Variants in CATSPERT observed in about 807,000 individuals in gnomAD.
CATSPERT encodes cation channel sperm-associated targeting subunit tau.
chr2:201,523,346 C>T, the CATSPERT span, among the ~76,000 whole-genome samples: 2 of 152,128 alleles, frequency 1.3e-5, no homozygotes, highest in African/African-American at 4.8e-5. Flanking sequence ...GTGCTAGGCC[C>T]CCAGGGTTAG....
chr2:201,612,202 C>T, the CATSPERT span, among the ~76,000 whole-genome samples: 1 of 152,130 alleles, frequency 6.6e-6, no homozygotes, highest in Non-Finnish European at 1.5e-5. Context: ...GAGACTCTAA[C>T]AAGTTAAATA....
chr2:201,542,117 C>T, the CATSPERT span, among the ~76,000 whole-genome samples: 4 of 152,126 alleles, frequency 2.6e-5, 1 homozygote, highest in South Asian at 8.3e-4. Flanking sequence ...AATGCTATTG[C>T]ACACTTAATA....
chr2:201,534,550 C>CA, the CATSPERT span: 35 of 982,110 alleles, frequency 3.6e-5, no homozygotes, highest in Admixed American at 6.2e-5. Flanking sequence ...AGTCTTCAAA[C>CA]AAAAAAATGG....
chr2:201,610,539 G>C, the CATSPERT span, among the ~76,000 whole-genome samples: 2 of 151,222 alleles, frequency 1.3e-5, no homozygotes, highest in Non-Finnish European at 2.9e-5. Flanking sequence ...AACTCTCGAA[G>C]AAGAACTAAC....
chr2:201,499,770 T>C, the CATSPERT span, among the ~76,000 whole-genome samples: 1 of 151,044 alleles, frequency 6.6e-6, no homozygotes, highest in Non-Finnish European at 1.5e-5. Context: ...GAGTGGGAGG[T>C]TGCAGTGAGC....
chr2:201,561,101 A>G, the CATSPERT span, among the ~76,000 whole-genome samples: 1 of 151,906 alleles, frequency 6.6e-6, no homozygotes, highest in Non-Finnish European at 1.5e-5. Context: ...ATTCAATTAC[A>G]CTCTTCCCAG....
the CATSPERT span, among the ~76,000 whole-genome samples, chr2:201,609,274 A>T: frequency 1.2e-4 from 18 of 152,200 alleles, no homozygotes; most frequent in Non-Finnish European, 2.5e-4. Flanking sequence ...TCAGCATTAG[A>T]CAGATCATCT....
the CATSPERT span, chr2:201,493,885 T>C: frequency 2.0e-6 from 3 of 1,536,968 alleles, no homozygotes; most frequent in Non-Finnish European, 2.6e-6. Flanking sequence ...TTTAGAGACA[T>C]GTTCTTCTAC....
At chr2:201,491,084 C>T in the CATSPERT span, 1 of 1,151,898 alleles carries the variant, frequency 8.7e-7, no homozygotes, top group Admixed American at 2.8e-5. Context: ...GTTATACACA[C>T]AGTTGGATGC....
the CATSPERT span, among the ~76,000 whole-genome samples, chr2:201,563,313 G>A: frequency 7.5e-6 from 1 of 133,898 alleles, no homozygotes; most frequent in East Asian, 2.3e-4. Context: ...TGGCCGGGCG[G>A]GGGGCTGACC....
At chr2:201,566,765 C>T in the CATSPERT span, among the ~76,000 whole-genome samples, 2 of 152,114 alleles carry the variant, frequency 1.3e-5, no homozygotes, top group South Asian at 2.1e-4. Flanking sequence ...TTCTAGATCC[C>T]TGAGGAATCA....
the CATSPERT span, among the ~76,000 whole-genome samples, chr2:201,587,554 T>C: frequency 6.6e-6 from 1 of 152,202 alleles, no homozygotes; most frequent in Admixed American, 6.5e-5. Flanking sequence ...CTGATATTCT[T>C]ATTGTTGTGC....
chr2:201,570,265 C>G, the CATSPERT span, among the ~76,000 whole-genome samples: 1 of 152,146 alleles, frequency 6.6e-6, no homozygotes, highest in Non-Finnish European at 1.5e-5. Flanking sequence ...ACCATCATCC[C>G]CTGCCCTTAA....
the CATSPERT span, among the ~76,000 whole-genome samples, chr2:201,577,910 T>C: frequency 1.3e-5 from 2 of 152,200 alleles, no homozygotes; most frequent in Non-Finnish European, 2.9e-5. Flanking sequence ...GTGATGGAAA[T>C]ATTAATTGGT....
chr2:201,515,201 AGTTTTTTTTTTTTTTTTTTTTT>A, the CATSPERT span, among the ~76,000 whole-genome samples: 7 of 70,214 alleles, frequency 1.0e-4, no homozygotes, highest in Non-Finnish European at 8.6e-5. Context: ...ATCTGCCCAT[AGTTTTTTTTTTTTTTTTTTTTT>A]TTTTTTTTTT....
At chr2:201,610,540 A>G in the CATSPERT span, among the ~76,000 whole-genome samples, 1 of 152,184 alleles carries the variant, frequency 6.6e-6, no homozygotes, top group Non-Finnish European at 1.5e-5. Context: ...ACTCTCGAAG[A>G]AGAACTAACA....
At chr2:201,566,982 C>G in the CATSPERT span, among the ~76,000 whole-genome samples, 8,368 of 152,208 alleles carry the variant, frequency 0.055, 278 homozygotes, top group African/African-American at 0.08. Flanking sequence ...TTAAACAACT[C>G]CTCCCAAGGT....
the CATSPERT span, among the ~76,000 whole-genome samples, chr2:201,584,934 A>C: frequency 6.6e-6 from 1 of 152,212 alleles, no homozygotes; most frequent in Non-Finnish European, 1.5e-5. Flanking sequence ...AGAAGAAAAA[A>C]ATATATAACA....
chr2:201,504,460 GAACTCAGAGGC>G, the CATSPERT span, among the ~76,000 whole-genome samples: 1 of 152,296 alleles, frequency 6.6e-6, no homozygotes, highest in South Asian at 2.1e-4. Flanking sequence ...CCAGAGATTA[GAACTCAGAGGC>G]ATCTCTCCTA....
Sources: gnomAD v4.1 joint callset for allele counts (sites outside exome capture counted in the v4.1 genomes callset) on GRCh38, gnomAD v4.1.1 for gene constraint, MANE v1.5 for transcripts, NCBI Gene and HGNC (gene_info 2026-07-23, HGNC 2026-07-21) for gene names.